The following WASF3 variants were observed in gnomAD, a reference collection of about 807,000 sequenced individuals.
The protein encoded by WASF3 is actin-binding protein WASF3.
A neutral mutation model predicts 46.6 loss-of-function variants in WASF3; 11 were observed. The observed-to-expected ratio is 0.24, with a 90% CI of 0.15 to 0.39. WASF3 has a LOEUF of 0.39. WASF3 is among the 10% of genes least tolerant of loss of function. The pLI, the probability that WASF3 is intolerant of heterozygous loss-of-function variation, is 1.00. For missense variants in WASF3, 576 were observed against 669.8 expected (o/e 0.86, Z 1.55); for synonymous variants, 242 against 259.7 (o/e 0.93, Z 0.65).
chr13:26,594,565 T>C (rs1880403527), intron 1 of WASF3, among the ~76,000 whole-genome samples: 1 of 152,220 alleles, frequency 6.6e-6, no homozygotes, highest in African/African-American at 2.4e-5. Flanking sequence ...ATTGTATTAC[T>C]GCCCTGTTGT....
At chr13:26,551,134 A>G in the WASF3 span, among the ~76,000 whole-genome samples, 2 of 151,918 alleles carry the variant, frequency 1.3e-5, no homozygotes, top group Admixed American at 6.6e-5. Context: ...TTCTCTCTCT[A>G]CTGCTCTGCC....
intron 1 of WASF3, among the ~76,000 whole-genome samples, chr13:26,606,327 T>TC (rs1880797361): frequency 3.0e-5 from 1 of 32,792 alleles, no homozygotes; most frequent in African/African-American, 8.0e-5. Flanking sequence ...TTTTCGTGTG[T>TC]GTGTGTGTGT....
chr13:26,539,674 C>T, the WASF3 span, among the ~76,000 whole-genome samples: 2 of 152,160 alleles, frequency 1.3e-5, no homozygotes, highest in Admixed American at 6.5e-5. Flanking sequence ...CTGTCCTTTA[C>T]GCTGCTTCTA....
Position 26,688,607 on chromosome 13 carries a change from C to T in WASF3, c.*2762C>T, listed in dbSNP as rs562340379. 6.6e-6 allele frequency: 1 copy of T among 152,346 alleles called. No individual in the cohort carries two copies. Among genetic ancestry groups the T allele is most frequent in the African/African-American group, 2.4e-5 (1 of 41,580 alleles). The allele number at this position is 152,346 out of a possible 1,614,324, so 9.4% of individuals were successfully genotyped here. A position where few individuals can be genotyped will look rare whatever the true frequency, so the allele number is the denominator to read the frequency against. On this transcript the variant is annotated 3_prime_UTR_variant, in exon 10 of 10. Coordinates refer to ENST00000335327, the MANE Select transcript of WASF3 (RefSeq NM_006646.6). ...GATACTATTCAAAAATTAACATTTTCATCTCAGTAAGTTTTTAGAACATCA... is the reference window on the plus strand; with the variant it reads ...GATACTATTCAAAAATTAACATTTTTATCTCAGTAAGTTTTTAGAACATCA...
At chr13:26,569,702 T>G (rs1879576336) in intron 1 of WASF3, among the ~76,000 whole-genome samples, 1 of 152,080 alleles carries the variant, frequency 6.6e-6, no homozygotes, top group Admixed American at 6.5e-5. Flanking sequence ...AGATAGACAT[T>G]AAACGAGGAG....
chr13:26,580,271 T>TTTTAGAA (rs1879937369), intron 1 of WASF3, among the ~76,000 whole-genome samples: 1 of 152,216 alleles, frequency 6.6e-6, no homozygotes, highest in Non-Finnish European at 1.5e-5. Flanking sequence ...GGATAGAATC[T>TTTTAGAA]TATTAATATG....
At position 26,665,860 on chromosome 13, in the gene WASF3, TACC is replaced by T. The variant is rs577117494; in HGVS notation, c.268+701_268+703del. ...AAATATGCTTAAAAAGTACAAAATA[TACC>T]ACTTCATATTTATTTTGAGAAAAAT... On this transcript the variant is annotated intron_variant, in intron 4 of 9. Transcript: ENST00000335327. Among the ~76,000 whole-genome samples, 43 of 152,310 alleles carry T rather than the reference TACC, an allele frequency of 2.8e-4. 2 individuals carry two copies. The highest frequency in any genetic ancestry group is 1.0e-3 in the African/African-American group (42 of 41,562).
Position 26,682,700 on chromosome 13 carries a change from C to G in WASF3, c.1077C>G (p.Phe359Leu), listed in dbSNP as rs146985044. Residue 359 changes from phenylalanine (F) to leucine (L), a missense_variant, in exon 9 of 10, where the codon TTC becomes TTG. This residue lies in a region of WASF3 where 295 missense variants were observed against 291.5 expected (regional missense o/e 1.01). Transcript: ENST00000335327. The surrounding 1 kb of genome is among the most constrained non-coding windows in gnomAD (Gnocchi z 4.4). ...TGATTCCCTCAGCACAAACTGCCTT[C>G]GTCAGCCCTCTCCAGATGCCCATGC... Reference protein sequence around the residue: ...PPVIPSAQTAFVSPLQMPMQP... With the variant: ...PPVIPSAQTALVSPLQMPMQP... 1.2e-6 allele frequency: 2 copies of G among 1,614,140 alleles called. No homozygotes were observed. Among genetic ancestry groups the G allele is most frequent in the East Asian group, 2.2e-5 (1 of 44,872 alleles).
At chr13:26,647,411 A>G (rs1286851954) in intron 3 of WASF3, among the ~76,000 whole-genome samples, 2 of 152,026 alleles carry the variant, frequency 1.3e-5, no homozygotes, top group Admixed American at 6.5e-5. Context: ...TTTTTCTTCA[A>G]ATAATGACAG....
In WASF3 at chr13:26,655,347, A is replaced by G. The variant is rs543804220; in HGVS notation, c.134-9681A>G. ...TCGTGACTGGATTTAAGATATTGAA[A>G]GAAATATCACACGGTGATGATGTGT... On this transcript the variant is annotated intron_variant, in intron 3 of 9. Coordinates refer to ENST00000335327, the MANE Select transcript of WASF3 (RefSeq NM_006646.6). Among the ~76,000 whole-genome samples, 3 of 152,342 alleles carry G rather than the reference A, an allele frequency of 2.0e-5. No individual in the cohort carries two copies. In the East Asian group the frequency reaches 5.8e-4, roughly 29 times the overall value.
intron 1 of WASF3, among the ~76,000 whole-genome samples, chr13:26,559,278 G>A (rs1033710767): frequency 3.3e-5 from 5 of 152,184 alleles, no homozygotes; most frequent in African/African-American, 9.7e-5. Context: ...ATATTGGAAA[G>A]TTTGGTCAAC....
the WASF3 span, among the ~76,000 whole-genome samples, chr13:26,542,494 C>A: frequency 6.6e-6 from 1 of 152,210 alleles, no homozygotes; most frequent in Non-Finnish European, 1.5e-5. Flanking sequence ...TTACCTCCTA[C>A]ATGTCTTGGC....
chr13:26,539,418 T>C, the WASF3 span, among the ~76,000 whole-genome samples: 9 of 152,166 alleles, frequency 5.9e-5, no homozygotes, highest in Non-Finnish European at 8.8e-5. Context: ...AGCTTTTTAG[T>C]TGACTGCTTT....
intron 1 of WASF3, chr13:26,606,777 CTT>C (rs2137212726): frequency 6.6e-6 from 1 of 152,288 alleles, no homozygotes; most frequent in African/African-American, 2.4e-5. Context: ...CTGTTCCTCT[CTT>C]GTTTACTGCA....
intron 1 of WASF3, among the ~76,000 whole-genome samples, chr13:26,588,529 A>G (rs1012243239): frequency 1.2e-4 from 18 of 152,210 alleles, no homozygotes; most frequent in Admixed American, 9.8e-4. Context: ...AAAGTCAAAT[A>G]GTATCCCCAA....
intron 1 of WASF3, among the ~76,000 whole-genome samples, chr13:26,574,985 T>C (rs1417322451): frequency 6.6e-6 from 1 of 151,962 alleles, no homozygotes; most frequent in African/African-American, 2.4e-5. Flanking sequence ...TACAGGCACC[T>C]GCCACCACGC....
chr13:26,601,561 G>A (rs1482158268), intron 1 of WASF3, among the ~76,000 whole-genome samples: 1 of 152,166 alleles, frequency 6.6e-6, no homozygotes, highest in Non-Finnish European at 1.5e-5. Flanking sequence ...GATTCAGCTG[G>A]CATTTTATGC....
chr13:26,543,361 C>T, the WASF3 span, among the ~76,000 whole-genome samples: 1 of 152,116 alleles, frequency 6.6e-6, no homozygotes, highest in Non-Finnish European at 1.5e-5. Context: ...GTGCAAAGTC[C>T]TTGGGAATGA....
At chr13:26,664,725 G>A (rs2137464553) in intron 3 of WASF3, among the ~76,000 whole-genome samples, 1 of 152,362 alleles carries the variant, frequency 6.6e-6, no homozygotes, top group Non-Finnish European at 1.5e-5. Flanking sequence ...CTTAAAGCGT[G>A]AAAAATGAGA....
Sources: allele counts gnomAD v4.1 joint callset (sites outside exome capture counted in the v4.1 genomes callset), GRCh38; gene constraint gnomAD v4.1.1; regional missense constraint gnomAD v4.1.1; non-coding constraint Gnocchi (gnomAD v3.1); transcripts MANE v1.5; gene names NCBI Gene and HGNC (gene_info 2026-07-23, HGNC 2026-07-21).